LHFPL2: variants seen among roughly 807,000 people sequenced by gnomAD.
LHFPL2 encodes LHFPL tetraspan subfamily member 2 protein.
LHFPL2 carries 7 observed loss-of-function variants against 17.5 expected under a neutral mutation model. That is an observed-to-expected ratio of 0.40 (90% CI 0.23 to 0.75). The LOEUF is 0.75. Ranked by LOEUF, LHFPL2 falls within the 30% of genes least tolerant of loss-of-function variation. The probability of loss-of-function intolerance (pLI) is 0.37; values close to 1 mark genes in which losing one functional copy is unlikely to be tolerated. For synonymous variants in LHFPL2, 134 were observed against 116.2 expected (o/e 1.15, Z -0.99); for missense variants, 241 against 294.8 (o/e 0.82, Z 1.34).
intron 1 of LHFPL2, among the ~76,000 whole-genome samples, chr5:78,639,835 T>C (rs971695854): frequency 6.6e-6 from 1 of 152,242 alleles, no homozygotes; most frequent in Non-Finnish European, 1.5e-5. Flanking sequence ...AAGTTAATTT[T>C]TTAAGAAGTT....
chr5:78,492,798 G>A lies in LHFPL2; in HGVS notation c.431-3645C>T, dbSNP rs529396233. Among the ~76,000 whole-genome samples, 9 of 152,338 alleles carry A rather than the reference G, an allele frequency of 5.9e-5. No individual in the cohort carries two copies. The South Asian group carries it at 1.9e-3, about 32-fold the overall frequency. On this transcript the variant is annotated intron_variant, in intron 4 of 4. Transcript: ENST00000380345. ...TGACAGAGTAATACAAAGCGGGTGA[G>A]GTATATCTGCCCTGTGGGTGTGAAG... is the stretch of plus-strand genomic sequence containing the variant.
At chr5:78,519,193 A>G (rs1478103316) in intron 3 of LHFPL2, among the ~76,000 whole-genome samples, 1 of 152,156 alleles carries the variant, frequency 6.6e-6, no homozygotes, top group African/African-American at 2.4e-5. Flanking sequence ...GCCTGGGGGA[A>G]TCCACAGAAG....
rs370740699 is a variant in LHFPL2 at position 78,487,438 on chromosome 5, A to G, written c.*1459T>C. 15 of 152,236 alleles carry G rather than the reference A, an allele frequency of 9.9e-5. No individual in the cohort carries two copies. Among genetic ancestry groups the G allele is most frequent in the African/African-American group, 3.6e-4 (15 of 41,466 alleles). The allele number at this position is 152,236 out of a possible 1,614,324, so 9.4% of individuals were successfully genotyped here. ...ACAAAGTCCTCAAGTGAGCAGATTA[A>G]TGAACCCAAATACCTACACTTTTTC... is the stretch of plus-strand genomic sequence containing the variant. On this transcript the variant is annotated 3_prime_UTR_variant, in exon 5 of 5. Coordinates refer to ENST00000380345, the MANE Select transcript of LHFPL2 (RefSeq NM_005779.3).
At position 78,604,242 on chromosome 5, in the gene LHFPL2, C is replaced by T. The variant is rs553456590; in HGVS notation, c.-245+28022G>A. ...CCTGTAATCCCAGCACTTTGGGAGG[C>T]CGAGGCAGGCGGATCACCTGAGGTC... On this transcript the variant is annotated intron_variant, in intron 2 of 4. Coordinates refer to ENST00000380345, the MANE Select transcript of LHFPL2 (RefSeq NM_005779.3). 1.1e-4 allele frequency among the ~76,000 whole-genome samples: 17 copies of T among 152,294 alleles called. No individual in the cohort carries two copies. The South Asian group carries it at 3.5e-3, about 32-fold the overall frequency.
In LHFPL2 at chr5:78,648,644, GGGA is replaced by G. The variant is rs1302087369; in HGVS notation, c.-498_-496del. 1 of 152,146 alleles carries G rather than the reference GGGA, an allele frequency of 6.6e-6. No individual in the cohort carries two copies. The highest frequency in any genetic ancestry group is 1.5e-5 in the Non-Finnish European group (1 of 68,152). The allele number at this position is 152,146 out of a possible 1,614,324, so 9.4% of individuals were successfully genotyped here. A position where few individuals can be genotyped will look rare whatever the true frequency, so the allele number is the denominator to read the frequency against. On this transcript the variant is annotated 5_prime_UTR_variant, in exon 1 of 5. Transcript: ENST00000380345. This position sits in a 1 kb window ranked among gnomAD's most constrained non-coding sequence, Gnocchi z 5.4. ...GGCGGGAGGAGAGCGAGAGGAGAGC[GGGA>G]GGAGGCGGCGGGAGAGGGGGGCAAC...
At chr5:78,633,893 C>G (rs1012154579) in intron 1 of LHFPL2, among the ~76,000 whole-genome samples, 5 of 152,156 alleles carry the variant, frequency 3.3e-5, no homozygotes, top group African/African-American at 7.2e-5. Flanking sequence ...GATACAGAAT[C>G]TGACCACTCC....
intron 4 of LHFPL2, among the ~76,000 whole-genome samples, chr5:78,498,875 T>C (rs1754688645): frequency 6.6e-6 from 1 of 152,242 alleles, no homozygotes; most frequent in Non-Finnish European, 1.5e-5. Flanking sequence ...ATAGATGCAC[T>C]TGTCCCATTA....
intron 3 of LHFPL2, among the ~76,000 whole-genome samples, chr5:78,554,950 C>T (rs149422434): frequency 8.5e-5 from 13 of 152,170 alleles, no homozygotes; most frequent in Admixed American, 5.9e-4. Context: ...GTCTTTGAAT[C>T]CTTAGGAGAC....
intron 2 of LHFPL2, among the ~76,000 whole-genome samples, chr5:78,608,705 G>A (rs1165315776): frequency 2.6e-5 from 4 of 152,132 alleles, no homozygotes; most frequent in Non-Finnish European, 5.9e-5. Flanking sequence ...GGCCGAGGGA[G>A]GTGGATCATG....
At chr5:78,640,541 G>A (rs1054326483) in intron 1 of LHFPL2, among the ~76,000 whole-genome samples, 3 of 152,192 alleles carry the variant, frequency 2.0e-5, no homozygotes, top group East Asian at 1.9e-4. Context: ...AATGTATGAT[G>A]TTGTGACCAA....
intron 3 of LHFPL2, among the ~76,000 whole-genome samples, chr5:78,555,313 C>T (rs1050673829): frequency 5.9e-5 from 9 of 152,312 alleles, no homozygotes; most frequent in East Asian, 3.9e-4. Flanking sequence ...TCACTCCATA[C>T]AGAGAATTTA....
intron 3 of LHFPL2, among the ~76,000 whole-genome samples, chr5:78,533,858 C>T (rs1382610937): frequency 6.6e-6 from 1 of 152,240 alleles, no homozygotes; most frequent in African/African-American, 2.4e-5. Flanking sequence ...GGCCCTGCCT[C>T]GGGTTTTAAA....
chr5:78,645,744 G>A (rs578007010), intron 1 of LHFPL2, among the ~76,000 whole-genome samples: 5 of 152,016 alleles, frequency 3.3e-5, no homozygotes, highest in Non-Finnish European at 5.9e-5. Flanking sequence ...CACCACACCC[G>A]GCTAATTTTT....
chr5:78,547,785 C>T (rs1021854047), intron 3 of LHFPL2, among the ~76,000 whole-genome samples: 1 of 152,340 alleles, frequency 6.6e-6, no homozygotes, highest in South Asian at 2.1e-4. Flanking sequence ...GTTTAACTGC[C>T]GCTCAGCGGA....
chr5:78,499,450 TAC>T (rs1232719939), intron 4 of LHFPL2, among the ~76,000 whole-genome samples: 1 of 152,204 alleles, frequency 6.6e-6, no homozygotes, highest in Non-Finnish European at 1.5e-5. Context: ...TAAGTAGGGT[TAC>T]ACAGTTAATC....
Position 78,620,068 on chromosome 5 carries a change from G to A in LHFPL2, c.-245+12196C>T, listed in dbSNP as rs555532951. 7.7e-4 allele frequency among the ~76,000 whole-genome samples: 86 copies of A among 111,502 alleles called. No individual in the cohort carries two copies. In the East Asian group the frequency reaches 0.011, roughly 14 times the overall value. The allele number at this position is 111,502 out of a possible 152,430, so 73.1% of individuals were successfully genotyped here. ...ATGGTATTTCTAGTTCTAGATCCCT[G>A]AGGAATCGCCACACTGACTTCCACA... On this transcript the variant is annotated intron_variant, in intron 2 of 4. Coordinates refer to ENST00000380345, the MANE Select transcript of LHFPL2 (RefSeq NM_005779.3).
intron 3 of LHFPL2, among the ~76,000 whole-genome samples, chr5:78,540,558 A>G (rs1756080680): frequency 6.6e-6 from 1 of 152,236 alleles, no homozygotes. Context: ...GAACTGGCAG[A>G]GAGGGGCCCC....
rs181579496 is a variant in LHFPL2 at position 78,585,470 on chromosome 5, G to A, written c.-244-20599C>T. ...AATGCCTCGCCCTGCTTCGGCTCAC[G>A]CACAGTGTGTGCACCCACTGACCTG... On this transcript the variant is annotated intron_variant, in intron 2 of 4. Transcript: ENST00000380345. 6.2e-4 allele frequency among the ~76,000 whole-genome samples: 95 copies of A among 152,246 alleles called. No individual in the cohort carries two copies. The South Asian group carries it at 7.5e-3, about 12-fold the overall frequency.
intron 1 of LHFPL2, chr5:78,641,958 TAATAAA>T (rs1745682611): frequency 6.8e-6 from 1 of 147,570 alleles, no homozygotes; most frequent in Non-Finnish European, 1.5e-5. Flanking sequence ...CAAGCTGCTA[TAATAAA>T]ATACCATAGA....
Sources: gnomAD v4.1 joint callset for allele counts (sites outside exome capture counted in the v4.1 genomes callset) on GRCh38, gnomAD v4.1.1 for gene constraint, Gnocchi (gnomAD v3.1) non-coding constraint, MANE v1.5 for transcripts, NCBI Gene and HGNC (gene_info 2026-07-23, HGNC 2026-07-21) for gene names.